The following TMEM232 variants were observed in gnomAD, a reference collection of about 807,000 sequenced individuals.
TMEM232 encodes the protein transmembrane protein 232.
In TMEM232, 80 loss-of-function variants were observed where a neutral mutation model predicts 78.8. The observed-to-expected ratio is 1.01, with a 90% CI of 0.85 to 1.22. The LOEUF (loss-of-function observed/expected upper bound fraction) is 1.22. Ranked by LOEUF, TMEM232 falls within the 50% of genes most tolerant of loss-of-function variation. TMEM232 has a pLI of 0.00. For missense variants in TMEM232, 881 were observed against 742.2 expected, an observed-to-expected ratio of 1.19 and a Z score of -2.17; for synonymous variants, 297 against 254.3, an observed-to-expected ratio of 1.17 and a Z score of -1.60.
chr5:110,693,162 G>A (rs527248307), intron 1 of TMEM232, among the ~76,000 whole-genome samples: 5 of 152,286 alleles, frequency 3.3e-5, no homozygotes, highest in South Asian at 2.1e-4. Context: ...CCACTGTTCC[G>A]CAGCCACTGC....
chr5:110,507,638 C>T (rs944945514), intron 12 of TMEM232, among the ~76,000 whole-genome samples: 4 of 152,172 alleles, frequency 2.6e-5, no homozygotes, highest in African/African-American at 9.7e-5. Flanking sequence ...AGGCTTGACT[C>T]TCCCAGCCAG....
intron 1 of TMEM232, among the ~76,000 whole-genome samples, chr5:110,683,397 T>C (rs143757552): frequency 6.6e-6 from 1 of 151,870 alleles, no homozygotes; most frequent in African/African-American, 2.4e-5. Flanking sequence ...CACACACATA[T>C]ATATGTTGTG....
At chr5:110,641,954 G>C (rs1786784438) in intron 3 of TMEM232, among the ~76,000 whole-genome samples, 1 of 152,010 alleles carries the variant, frequency 6.6e-6, no homozygotes, top group Non-Finnish European at 1.5e-5. Flanking sequence ...TTTCTCCTTT[G>C]AGACACAGCA....
chr5:110,665,868 A>G (rs555521116), intron 2 of TMEM232, among the ~76,000 whole-genome samples: 1 of 149,400 alleles, frequency 6.7e-6, no homozygotes, highest in South Asian at 2.1e-4. Flanking sequence ...CAGCCTGGGC[A>G]ACAAAGCATG....
intron 10 of TMEM232, among the ~76,000 whole-genome samples, chr5:110,591,260 C>A (rs1325647191): frequency 6.6e-6 from 1 of 152,074 alleles, no homozygotes; most frequent in Non-Finnish European, 1.5e-5. Flanking sequence ...GAGTTTGAGA[C>A]CAGCCTGGGC....
intron 12 of TMEM232, among the ~76,000 whole-genome samples, chr5:110,470,004 C>A (rs145384481): frequency 3.9e-5 from 6 of 152,246 alleles, no homozygotes; most frequent in African/African-American, 1.4e-4. Context: ...AACAGCCATA[C>A]TCTACCATGT....
chr5:110,532,397 C>G (rs574406628), intron 11 of TMEM232, among the ~76,000 whole-genome samples: 49 of 151,724 alleles, frequency 3.2e-4, no homozygotes, highest in Non-Finnish European at 6.5e-4. Context: ...GAAGGTAAGT[C>G]CGTCCCCTTC....
At chr5:110,690,853 T>C (rs184406314) in intron 1 of TMEM232, among the ~76,000 whole-genome samples, 50 of 152,152 alleles carry the variant, frequency 3.3e-4, no homozygotes, top group African/African-American at 1.2e-3. Flanking sequence ...AAACCATCAT[T>C]CTCAGCAAAC....
chr5:110,465,331 C>T (rs529123851), intron 12 of TMEM232, among the ~76,000 whole-genome samples: 8 of 152,270 alleles, frequency 5.3e-5, no homozygotes, highest in African/African-American at 1.9e-4. Flanking sequence ...CTTCTTAAGC[C>T]ATTCCATCAA....
chr5:110,537,593 C>T (rs774135537), intron 11 of TMEM232, among the ~76,000 whole-genome samples: 4 of 152,278 alleles, frequency 2.6e-5, no homozygotes, highest in Admixed American at 6.5e-5. Flanking sequence ...CATCTGCCTC[C>T]ATACAGCCCC....
chr5:110,649,681 C>G (rs1788020598), intron 2 of TMEM232, among the ~76,000 whole-genome samples: 1 of 152,062 alleles, frequency 6.6e-6, no homozygotes, highest in Non-Finnish European at 1.5e-5. Flanking sequence ...TTGTGTTTCC[C>G]TAACTACTAG....
At chr5:110,547,788 A>C (rs1773954627) in intron 11 of TMEM232, among the ~76,000 whole-genome samples, 1 of 152,066 alleles carries the variant, frequency 6.6e-6, no homozygotes, top group Admixed American at 6.6e-5. Context: ...ACTTGAGGTC[A>C]GGAGCTTGAG....
intron 12 of TMEM232, among the ~76,000 whole-genome samples, chr5:110,474,043 T>C (rs1173406514): frequency 6.6e-6 from 1 of 151,400 alleles, no homozygotes; most frequent in East Asian, 1.9e-4. Context: ...AAGTTACAGC[T>C]AGATAAAATA....
intron 11 of TMEM232, among the ~76,000 whole-genome samples, chr5:110,542,486 C>CT (rs1333193434): frequency 1.3e-5 from 2 of 152,124 alleles, no homozygotes; most frequent in Non-Finnish European, 2.9e-5. Context: ...CAGACACCAT[C>CT]TTAGCCATCA....
At chr5:110,487,247 CT>C (rs1764562129) in intron 12 of TMEM232, among the ~76,000 whole-genome samples, 1 of 151,998 alleles carries the variant, frequency 6.6e-6, no homozygotes, top group Non-Finnish European at 1.5e-5. Context: ...ATGATCATAT[CT>C]TCAGCAAACA....
At chr5:110,522,618 TA>T (rs1455396651) in intron 12 of TMEM232, among the ~76,000 whole-genome samples, 1 of 152,190 alleles carries the variant, frequency 6.6e-6, no homozygotes, top group Non-Finnish European at 1.5e-5. Context: ...GTTTTTATCA[TA>T]AAATGGTGTT....
chr5:110,712,105 CA>C (rs61482697), intron 1 of TMEM232, among the ~76,000 whole-genome samples: 13,750 of 65,680 alleles, frequency 0.21, 1,967 homozygotes, highest in East Asian at 0.45. Context: ...GACTCAATCT[CA>C]AAAAAAAAAA....
chr5:110,477,484 ATTAT>A (rs1763374697), intron 12 of TMEM232, among the ~76,000 whole-genome samples: 1 of 151,850 alleles, frequency 6.6e-6, no homozygotes, highest in African/African-American at 2.4e-5. Flanking sequence ...ATTATATGTA[ATTAT>A]TATGTTTTAT....
chr5:110,605,336 T>C lies in TMEM232; in HGVS notation c.1049A>G (p.Asp350Gly), dbSNP rs1297124176. The C allele has an allele frequency of 1.9e-6, 3 of 1,543,664 alleles. No homozygotes were observed. Among genetic ancestry groups the C allele is most frequent in the East Asian group, 2.5e-5 (1 of 40,734 alleles). Residue 350 changes from aspartate to glycine, a missense_variant, in exon 10 of 14, where the codon GAT (aspartate) becomes GGT (glycine). By Grantham distance (94) the Asp-to-Gly change is moderately conservative. Transcript: ENST00000455884. Reference sequence around the variant, plus strand: ...GACTACATTCCAGGCCCAGGAAAAATCATCTACCTTGCAACTTTCTTCCTG... The same window carrying C: ...GACTACATTCCAGGCCCAGGAAAAACCATCTACCTTGCAACTTTCTTCCTG... ...QNQEESCKVD[D>G]FSWAWNVVYI...
Sources: allele counts gnomAD v4.1 joint callset (sites outside exome capture counted in the v4.1 genomes callset), GRCh38; gene constraint gnomAD v4.1.1; transcripts MANE v1.5; gene names NCBI Gene and HGNC (gene_info 2026-07-23, HGNC 2026-07-21).